The following TP63 variants were observed in gnomAD, a reference collection of about 807,000 sequenced individuals.
TP63 encodes tumor protein p63.
A neutral mutation model predicts 82.8 loss-of-function variants in TP63; 17 were observed. That is an observed-to-expected ratio of 0.21 (90% CI 0.14 to 0.31). The LOEUF is 0.31. Among genes scored for constraint, TP63 ranks in the 10% least tolerant of loss-of-function variants. TP63 has a pLI of 1.00. For synonymous variants in TP63, 330 were observed against 321.7 expected, an observed-to-expected ratio of 1.03 and a Z score of -0.28; for missense variants, 648 against 895.3, an observed-to-expected ratio of 0.72 and a Z score of 3.52.
intron 1 of TP63, among the ~76,000 whole-genome samples, chr3:189,696,649 T>G (rs1054887343): frequency 6.6e-6 from 1 of 152,150 alleles, no homozygotes; most frequent in African/African-American, 2.4e-5. Flanking sequence ...ACACATACAA[T>G]TTTGCATTCT....
the TP63 span, among the ~76,000 whole-genome samples, chr3:189,604,380 A>G: frequency 6.6e-6 from 1 of 152,168 alleles, no homozygotes; most frequent in Non-Finnish European, 1.5e-5. Flanking sequence ...GTAAAATATG[A>G]CCTTACTCTT....
chr3:189,797,466 A>T (rs1725830411), intron 3 of TP63, among the ~76,000 whole-genome samples: 1 of 152,036 alleles, frequency 6.6e-6, no homozygotes, highest in Admixed American at 6.6e-5. Context: ...TCTCAAGTTT[A>T]TTCTTTCTCA....
chr3:189,779,167 G>A (rs1425469648), intron 3 of TP63, among the ~76,000 whole-genome samples: 1 of 152,164 alleles, frequency 6.6e-6, no homozygotes, highest in African/African-American at 2.4e-5. Flanking sequence ...CACTAAAGTA[G>A]CTTTCAATCT....
At chr3:189,802,250 T>C (rs1464362204) in intron 3 of TP63, among the ~76,000 whole-genome samples, 1 of 152,192 alleles carries the variant, frequency 6.6e-6, no homozygotes, top group African/African-American at 2.4e-5. Context: ...GGTCATCAAG[T>C]AAAGCTGTTT....
intron 4 of TP63, among the ~76,000 whole-genome samples, chr3:189,863,422 G>T (rs1472232117): frequency 6.6e-6 from 1 of 152,124 alleles, no homozygotes; most frequent in Admixed American, 6.5e-5. Context: ...CTGGTTCTAG[G>T]TCTCAGGCTT....
chr3:189,836,546 C>T (rs1457280884), intron 4 of TP63, among the ~76,000 whole-genome samples: 2 of 152,118 alleles, frequency 1.3e-5, no homozygotes, highest in Non-Finnish European at 2.9e-5. Context: ...ATTCATCTAC[C>T]AGAAACTTAA....
At chr3:189,850,937 CT>C (rs1284573318) in intron 4 of TP63, among the ~76,000 whole-genome samples, 1 of 152,218 alleles carries the variant, frequency 6.6e-6, no homozygotes, top group South Asian at 2.1e-4. Flanking sequence ...CTTTAGCAGA[CT>C]TTTACTATGT....
At chr3:189,846,122 T>C (rs1360247387) in intron 4 of TP63, among the ~76,000 whole-genome samples, 1 of 151,728 alleles carries the variant, frequency 6.6e-6, no homozygotes, top group East Asian at 1.9e-4. Context: ...CTGGAATTCT[T>C]TTTTTTTCCC....
chr3:189,604,777 C>G, the TP63 span, among the ~76,000 whole-genome samples: 1 of 152,070 alleles, frequency 6.6e-6, no homozygotes, highest in Non-Finnish European at 1.5e-5. Flanking sequence ...AATTGGAAAA[C>G]CACCTTTACA....
At chr3:189,637,390 C>T (rs974197601) in intron 1 of TP63, among the ~76,000 whole-genome samples, 8 of 152,100 alleles carry the variant, frequency 5.3e-5, no homozygotes. Flanking sequence ...ACAATTGTGT[C>T]TTCATGTAAG....
chr3:189,663,521 CTTTTTTTTTTTTTTTT>C (rs397991949), intron 1 of TP63, among the ~76,000 whole-genome samples: 2 of 84,530 alleles, frequency 2.4e-5, no homozygotes, highest in Admixed American at 1.9e-4. Context: ...TTCATTCATT[CTTTTTTTTTTTTTTTT>C]TTTTTTTTGA....
chr3:189,681,362 T>A lies in TP63; in HGVS notation c.62+49785T>A, dbSNP rs185760060. On this transcript the variant is annotated intron_variant, in intron 1 of 13. Coordinates refer to ENST00000264731, the MANE Select transcript of TP63 (RefSeq NM_003722.5). Reference sequence around the variant, plus strand: ...TGATGTCACTTCCATTAGCATACATTTTAAAATTTGTAATTAGGAAGGTTA... The same window carrying A: ...TGATGTCACTTCCATTAGCATACATATTAAAATTTGTAATTAGGAAGGTTA... 3.0e-4 allele frequency among the ~76,000 whole-genome samples: 46 copies of A among 152,304 alleles called. No individual in the cohort carries two copies. In the East Asian group the frequency reaches 7.9e-3, roughly 26 times the overall value.
At chr3:189,710,545 A>G (rs1478575299) in intron 1 of TP63, among the ~76,000 whole-genome samples, 2 of 151,872 alleles carry the variant, frequency 1.3e-5, no homozygotes, top group Admixed American at 6.6e-5. Context: ...GTTTTGGATT[A>G]TTTCTTATTT....
At chr3:189,786,302 G>A (rs1156272310) in intron 3 of TP63, among the ~76,000 whole-genome samples, 12 of 151,704 alleles carry the variant, frequency 7.9e-5, no homozygotes, top group Admixed American at 7.9e-4. Flanking sequence ...ACATTGGGCT[G>A]GGAAAGGCCT....
rs143146595 is a variant in TP63, at chr3:189,862,378, A to G, written c.580-1854A>G. Reference sequence around the variant, plus strand: ...CCATCCCCGAGAATGAACAAGAATTAGCACTTGACGATCCTTAATTTTATT... The same window carrying G: ...CCATCCCCGAGAATGAACAAGAATTGGCACTTGACGATCCTTAATTTTATT... On this transcript the variant is annotated intron_variant, in intron 4 of 13. Coordinates refer to ENST00000264731, the MANE Select transcript of TP63 (RefSeq NM_003722.5). 3.7e-3 allele frequency among the ~76,000 whole-genome samples: 567 copies of G among 152,260 alleles called. 7 individuals carry two copies. The highest frequency in any genetic ancestry group is 0.013 in the African/African-American group (550 of 41,556).
intron 1 of TP63, among the ~76,000 whole-genome samples, chr3:189,705,742 G>A (rs188003495): frequency 4.2e-4 from 64 of 152,254 alleles, no homozygotes; most frequent in Admixed American, 2.4e-3. Flanking sequence ...CTCAAGGGGG[G>A]TACACTGAAT....
chr3:189,869,086 C>A (rs535045466), intron 8 of TP63, among the ~76,000 whole-genome samples: 4 of 152,224 alleles, frequency 2.6e-5, no homozygotes, highest in African/African-American at 9.6e-5. Context: ...GTATTCTTCC[C>A]TACCATCCTT....
chr3:189,652,371 C>T (rs1712969997), intron 1 of TP63, among the ~76,000 whole-genome samples: 1 of 146,980 alleles, frequency 6.8e-6, no homozygotes, highest in African/African-American at 2.5e-5. Context: ...GGATTTCAAC[C>T]TTGCATGGGG....
intron 1 of TP63, among the ~76,000 whole-genome samples, chr3:189,672,719 AGGC>A (rs1715035300): frequency 5.6e-5 from 8 of 143,412 alleles, no homozygotes; most frequent in African/African-American, 2.0e-4. Flanking sequence ...GAAGGAAGGC[AGGC>A]AGGCAGGTAA....
Sources: gnomAD v4.1 joint callset for allele counts (sites outside exome capture counted in the v4.1 genomes callset) on GRCh38, gnomAD v4.1.1 for gene constraint, MANE v1.5 for transcripts, NCBI Gene and HGNC (gene_info 2026-07-23, HGNC 2026-07-21) for gene names.